The following KLF8 variants were observed in gnomAD, a reference collection of about 807,000 sequenced individuals.
The protein encoded by KLF8 is Krueppel-like factor 8.
A neutral mutation model predicts 18.2 loss-of-function variants in KLF8; 10 were observed. That is an observed-to-expected ratio of 0.55 (90% confidence interval 0.34 to 0.93). The LOEUF (loss-of-function observed/expected upper bound fraction) is 0.93. Among genes scored for constraint, KLF8 ranks in the 40% least tolerant of loss-of-function variants. KLF8 has a pLI of 0.02. For synonymous variants in KLF8, 109 were observed against 97.3 expected (o/e 1.12, Z -0.71); for missense variants, 264 against 277.9 (o/e 0.95, Z 0.36).
chrX:56,121,954 T>G, the KLF8 span, among the ~76,000 whole-genome samples: 2 of 111,900 alleles, frequency 1.8e-5, no homozygotes, highest in African/African-American at 6.5e-5. Flanking sequence ...CTGCAAAAAT[T>G]GGGTGATAGT....
At chrX:56,064,928 T>C in the KLF8 span, among the ~76,000 whole-genome samples, 1 of 111,679 alleles carries the variant, frequency 9.0e-6, no homozygotes, top group Non-Finnish European at 1.9e-5. Context: ...TCCAATTCTC[T>C]CCTGGCATGT....
At chrX:56,178,427 G>T in the KLF8 span, among the ~76,000 whole-genome samples, 1 of 112,060 alleles carries the variant, frequency 8.9e-6, no homozygotes, top group Non-Finnish European at 1.9e-5. Context: ...CTCCCATCCT[G>T]TAGGTTGCCT....
chrX:56,155,559 C>G, the KLF8 span, among the ~76,000 whole-genome samples: 8 of 110,852 alleles, frequency 7.2e-5, no homozygotes, highest in Admixed American at 4.8e-4. Flanking sequence ...ACATATGTAA[C>G]AAACCTTCAC....
the KLF8 span, among the ~76,000 whole-genome samples, chrX:56,184,226 C>A: frequency 7.1e-5 from 8 of 112,372 alleles, no homozygotes; most frequent in African/African-American, 2.6e-4. Flanking sequence ...TTATATCCTG[C>A]ACCTGGCTCA....
At chrX:55,963,122 G>A in the KLF8 span, among the ~76,000 whole-genome samples, 1 of 112,038 alleles carries the variant, frequency 8.9e-6, no homozygotes, top group East Asian at 2.8e-4. Context: ...TTTAACTAAT[G>A]TAGATTTTCA....
chrX:56,250,721 G>T (rs1017159337), intron 2 of KLF8, among the ~76,000 whole-genome samples: 2 of 111,352 alleles, frequency 1.8e-5, no homozygotes, highest in African/African-American at 6.5e-5. Context: ...ATGTGTGTGT[G>T]TATGCATATA....
chrX:56,123,309 G>GAAAGAAAGAAAGAAAGGAAAGA, the KLF8 span, among the ~76,000 whole-genome samples: 2 of 108,114 alleles, frequency 1.8e-5, no homozygotes, highest in African/African-American at 7.2e-5. Context: ...GAGAAAGAAA[G>GAAAGAAAGAAAGAAAGGAAAGA]AAAGAAAAGA....
chrX:56,183,588 A>G, the KLF8 span, among the ~76,000 whole-genome samples: 4 of 111,407 alleles, frequency 3.6e-5, no homozygotes, highest in Non-Finnish European at 7.5e-5. Flanking sequence ...CTATTCAGCA[A>G]TCTTGGAACC....
chrX:56,028,977 T>C, the KLF8 span, among the ~76,000 whole-genome samples: 1 of 110,985 alleles, frequency 9.0e-6, no homozygotes, highest in Admixed American at 9.6e-5. Context: ...GGGTGTTCCA[T>C]GGAGACTGGC....
At chrX:56,108,825 G>C in the KLF8 span, among the ~76,000 whole-genome samples, 1 of 111,481 alleles carries the variant, frequency 9.0e-6, no homozygotes, top group Non-Finnish European at 1.9e-5. Context: ...TGCATTTGTT[G>C]CTGTAAAATT....
chrX:56,196,255 C>A, the KLF8 span, among the ~76,000 whole-genome samples: 2 of 111,076 alleles, frequency 1.8e-5, no homozygotes, highest in Admixed American at 1.9e-4. Context: ...TGTAAATGGG[C>A]TAAATGCCCC....
the KLF8 span, among the ~76,000 whole-genome samples, chrX:56,046,240 T>C: frequency 8.9e-6 from 1 of 111,928 alleles, no homozygotes; most frequent in African/African-American, 3.2e-5. Flanking sequence ...CTGTTCAATA[T>C]TGTTTGCTAG....
the KLF8 span, among the ~76,000 whole-genome samples, chrX:56,120,351 G>GT: frequency 9.0e-6 from 1 of 111,649 alleles, no homozygotes; most frequent in Admixed American, 9.5e-5. Flanking sequence ...TTTTCCCTGA[G>GT]TTTTTTCGAC....
the KLF8 span, among the ~76,000 whole-genome samples, chrX:56,188,531 A>C: frequency 1.8e-5 from 2 of 112,046 alleles, no homozygotes; most frequent in Admixed American, 9.5e-5. Context: ...TTTCAAGTTC[A>C]TATGGAACCA....
the KLF8 span, among the ~76,000 whole-genome samples, chrX:56,105,661 C>A: frequency 1.8e-5 from 2 of 109,637 alleles, no homozygotes; most frequent in South Asian, 8.1e-4. Flanking sequence ...GACTCTTTAT[C>A]CAATTTGCCA....
the KLF8 span, among the ~76,000 whole-genome samples, chrX:56,088,242 T>C: frequency 8.9e-6 from 1 of 111,886 alleles, no homozygotes; most frequent in Non-Finnish European, 1.9e-5. Flanking sequence ...CCTTGAATCC[T>C]GCAAGGTATA....
chrX:56,045,817 G>A, the KLF8 span, among the ~76,000 whole-genome samples: 1 of 110,811 alleles, frequency 9.0e-6, no homozygotes, highest in East Asian at 2.8e-4. Context: ...TGAGTCTTTA[G>A]GGTTTTCTAG....
At chrX:55,936,762 T>A in the KLF8 span, among the ~76,000 whole-genome samples, 1 of 110,847 alleles carries the variant, frequency 9.0e-6, no homozygotes, top group South Asian at 3.8e-4. Flanking sequence ...CCTACGCCCA[T>A]GGATCCTGGC....
the KLF8 span, among the ~76,000 whole-genome samples, chrX:55,981,514 C>G: frequency 8.9e-6 from 1 of 112,228 alleles, no homozygotes; most frequent in African/African-American, 3.2e-5. Context: ...TGGTATTAAC[C>G]TTTCCTTCTA....
Sources: allele counts gnomAD v4.1 joint callset (sites outside exome capture counted in the v4.1 genomes callset), GRCh38; gene constraint gnomAD v4.1.1; transcripts MANE v1.5; gene names NCBI Gene and HGNC (gene_info 2026-07-23, HGNC 2026-07-21).